Variants in CWC27 observed in about 807,000 individuals in gnomAD.
The protein encoded by CWC27 is CWC27 spliceosome associated cyclophilin, also known as spliceosome-associated protein CWC27 homolog.
In CWC27, 47 loss-of-function variants were observed where a neutral mutation model predicts 63.6. That is an observed-to-expected ratio of 0.74 (90% CI 0.58 to 0.94). The LOEUF (loss-of-function observed/expected upper bound fraction) is 0.94. Among genes scored for constraint, CWC27 ranks in the 40% least tolerant of loss-of-function variants. CWC27 has a pLI of 0.00. For synonymous variants in CWC27, 175 were observed against 179.8 expected (o/e 0.97, Z 0.22); for missense variants, 495 against 554.3 (o/e 0.89, Z 1.07).
intron 13 of CWC27, among the ~76,000 whole-genome samples, chr5:65,001,304 T>C (rs919734094): frequency 4.3e-4 from 65 of 152,114 alleles, no homozygotes; most frequent in African/African-American, 1.4e-3. Context: ...TTGGATGCAT[T>C]GTATTTCTTT....
chr5:65,002,003 G>C (rs894072401), intron 13 of CWC27, among the ~76,000 whole-genome samples: 4 of 151,806 alleles, frequency 2.6e-5, no homozygotes, highest in Non-Finnish European at 5.9e-5. Context: ...CTTTTTACTG[G>C]TCTGCTCAGG....
intron 7 of CWC27, among the ~76,000 whole-genome samples, chr5:64,790,160 C>G (rs1744024685): frequency 6.6e-6 from 1 of 152,032 alleles, no homozygotes; most frequent in Admixed American, 6.6e-5. Flanking sequence ...GATTCAATTT[C>G]CATTTACCTG....
chr5:64,911,937 G>T (rs1747794732), intron 11 of CWC27, among the ~76,000 whole-genome samples: 1 of 152,036 alleles, frequency 6.6e-6, no homozygotes, highest in Non-Finnish European at 1.5e-5. Context: ...AGCCAACCGT[G>T]ATGGCGGGCA....
intron 10 of CWC27, among the ~76,000 whole-genome samples, chr5:64,865,631 T>C (rs1168098197): frequency 6.6e-6 from 1 of 152,018 alleles, no homozygotes; most frequent in Non-Finnish European, 1.5e-5. Context: ...ATTTGCCTTA[T>C]TTTTAGAGGG....
intron 7 of CWC27, among the ~76,000 whole-genome samples, chr5:64,794,634 G>A (rs1744197591): frequency 6.6e-6 from 1 of 152,040 alleles, no homozygotes; most frequent in Non-Finnish European, 1.5e-5. Context: ...CTAACATAGG[G>A]AATGCAATGA....
intron 10 of CWC27, among the ~76,000 whole-genome samples, chr5:64,810,299 T>A (rs1444106961): frequency 1.3e-5 from 2 of 152,188 alleles, no homozygotes; most frequent in Non-Finnish European, 2.9e-5. Flanking sequence ...TTAAAATAGC[T>A]TTATAATACA....
At position 64,807,909 on chromosome 5, in the gene CWC27, T is replaced by C. The variant is rs755935558; in HGVS notation, c.938+3523T>C. On this transcript the variant is annotated intron_variant, in intron 10 of 13. Coordinates refer to ENST00000381070, the MANE Select transcript of CWC27 (RefSeq NM_005869.4). ...TTCCTGTCCCTACCTCCTTCCTATT[T>C]ATTTCTAAATACATATCATCTAGCT... The C allele has an allele frequency of 2.2e-4, 319 of 1,441,782 alleles. 1 individual carries two copies. The highest frequency in any genetic ancestry group is 7.9e-4 in the Middle Eastern group (4 of 5,034). The allele number at this position is 1,441,782 out of a possible 1,614,324, so 89.3% of individuals were successfully genotyped here.
At chr5:64,831,211 T>C (rs1412092039) in intron 10 of CWC27, among the ~76,000 whole-genome samples, 1 of 152,024 alleles carries the variant, frequency 6.6e-6, no homozygotes, top group East Asian at 1.9e-4. Flanking sequence ...TTTTTCAAAA[T>C]GTTGTATGAC....
At chr5:64,821,784 C>T (rs1183629649) in intron 10 of CWC27, among the ~76,000 whole-genome samples, 2 of 152,136 alleles carry the variant, frequency 1.3e-5, no homozygotes, top group Admixed American at 6.6e-5. Context: ...TCTCCCAGAA[C>T]TTGGCAATAT....
chr5:64,970,234 A>G (rs1749094532), intron 11 of CWC27, among the ~76,000 whole-genome samples: 2 of 147,094 alleles, frequency 1.4e-5, no homozygotes, highest in Non-Finnish European at 3.0e-5. Flanking sequence ...TTTTTTTGAG[A>G]CAGAGTCTCG....
chr5:65,014,916 G>A (rs1459062869), intron 13 of CWC27, among the ~76,000 whole-genome samples: 2 of 152,204 alleles, frequency 1.3e-5, no homozygotes, highest in East Asian at 1.9e-4. Context: ...GCCATGCTAA[G>A]TATTATGATA....
At chr5:64,880,927 C>A (rs1746921536) in intron 10 of CWC27, among the ~76,000 whole-genome samples, 1 of 144,470 alleles carries the variant, frequency 6.9e-6, no homozygotes, top group Admixed American at 6.9e-5. Flanking sequence ...GCTTTCTGGA[C>A]TCTAAAGTAA....
intron 7 of CWC27, among the ~76,000 whole-genome samples, chr5:64,794,767 G>A (rs1744204968): frequency 6.6e-6 from 1 of 152,060 alleles, no homozygotes; most frequent in Non-Finnish European, 1.5e-5. Context: ...CTTAAACAAT[G>A]CTTTTATTTG....
intron 13 of CWC27, among the ~76,000 whole-genome samples, chr5:65,000,068 C>T (rs144195764): frequency 3.9e-5 from 6 of 152,058 alleles, no homozygotes; most frequent in South Asian, 2.1e-4. Context: ...GGCTTTGATT[C>T]GCAGGTCCCT....
intron 11 of CWC27, among the ~76,000 whole-genome samples, chr5:64,922,176 T>G (rs1159079867): frequency 6.6e-6 from 1 of 152,212 alleles, no homozygotes; most frequent in Non-Finnish European, 1.5e-5. Context: ...AATGTCAATC[T>G]CTCTAGTGAG....
intron 8 of CWC27, 45 bp from the exon 9 acceptor site, chr5:64,801,257 G>A (rs1744474606): frequency 2.2e-6 from 3 of 1,379,450 alleles, no homozygotes; most frequent in African/African-American, 1.5e-5. Context: ...AATTGTGTTA[G>A]TTTTACCTTG....
At chr5:64,980,407 G>A (rs1307482965) in intron 13 of CWC27, among the ~76,000 whole-genome samples, 2 of 152,114 alleles carry the variant, frequency 1.3e-5, no homozygotes, top group Non-Finnish European at 2.9e-5. Flanking sequence ...GATGAAGCTT[G>A]GTGAGCTCCC....
intron 13 of CWC27, among the ~76,000 whole-genome samples, chr5:64,986,568 C>T (rs966565401): frequency 6.6e-6 from 1 of 152,262 alleles, no homozygotes; most frequent in Admixed American, 6.5e-5. Context: ...AGAAAGTGTT[C>T]CCTTTGCTTC....
chr5:64,832,080 T>C (rs554185514), intron 10 of CWC27, among the ~76,000 whole-genome samples: 27 of 152,044 alleles, frequency 1.8e-4, no homozygotes, highest in Non-Finnish European at 3.8e-4. Flanking sequence ...ATGTAAAATC[T>C]AAAACCAAAT....
Sources: gnomAD v4.1 joint callset for allele counts (sites outside exome capture counted in the v4.1 genomes callset) on GRCh38, gnomAD v4.1.1 for gene constraint, MANE v1.5 for transcripts, NCBI Gene and HGNC (gene_info 2026-07-23, HGNC 2026-07-21) for gene names.